SLC10A7: variants seen among roughly 807,000 people sequenced by gnomAD.
SLC10A7 encodes solute carrier family 10 member 7.
A neutral mutation model predicts 43.2 loss-of-function variants in SLC10A7; 29 were observed. The observed-to-expected ratio is 0.67, with a 90% CI of 0.50 to 0.92. The LOEUF is 0.92. Ranked by LOEUF, SLC10A7 falls within the 40% of genes least tolerant of loss-of-function variation. The pLI, the probability that SLC10A7 is intolerant of heterozygous loss-of-function variation, is 0.00. For synonymous variants in SLC10A7, 152 were observed against 144.8 expected, an observed-to-expected ratio of 1.05 and a Z score of -0.35; for missense variants, 295 against 403.2, an observed-to-expected ratio of 0.73 and a Z score of 2.30.
chr4:146,381,606 T>C (rs1298661637), intron 5 of SLC10A7, among the ~76,000 whole-genome samples: 1 of 152,052 alleles, frequency 6.6e-6, no homozygotes, highest in Non-Finnish European at 1.5e-5. Context: ...TTTGCTCTCA[T>C]CCACTCTGCA....
intron 3 of SLC10A7, among the ~76,000 whole-genome samples, chr4:146,507,487 G>A (rs1348040748): frequency 6.6e-6 from 1 of 152,130 alleles, no homozygotes. Context: ...CTTGAACCCG[G>A]GAGGCAGAGG....
chr4:146,393,440 T>C (rs1359476196), intron 5 of SLC10A7, among the ~76,000 whole-genome samples: 2 of 152,162 alleles, frequency 1.3e-5, no homozygotes, highest in East Asian at 3.9e-4. Context: ...TCTACTACAT[T>C]ATCTCTTTAT....
At chr4:146,315,013 C>T (rs1023998488) in intron 6 of SLC10A7, among the ~76,000 whole-genome samples, 4 of 152,000 alleles carry the variant, frequency 2.6e-5, no homozygotes, top group African/African-American at 4.8e-5. Context: ...GGAAAGAAGC[C>T]TAGATACACA....
rs1304137345 is a variant in SLC10A7 at position 146,256,756 on chromosome 4, T to G, written c.994-236A>C. The G allele has an allele frequency of 3.2e-6, 4 of 1,244,936 alleles. No homozygotes were observed. In the East Asian group the frequency reaches 7.6e-5, roughly 24 times the overall value. 77.1% of individuals were successfully genotyped at this position (1,244,936 alleles called of 1,614,324 possible). A position where few individuals can be genotyped will look rare whatever the true frequency, so the allele number is the denominator to read the frequency against. ...GGCCTGGCTACTCGTATGGTTCCCCTGTGCACTAGATGGTAGCCTTGGGTC... is the reference window on the plus strand; with the variant it reads ...GGCCTGGCTACTCGTATGGTTCCCCGGTGCACTAGATGGTAGCCTTGGGTC... On this transcript the variant is annotated intron_variant, in intron 11 of 11. Coordinates refer to ENST00000335472, the MANE Select transcript of SLC10A7 (RefSeq NM_001029998.6).
At chr4:146,301,191 A>G (rs1731136961) in intron 7 of SLC10A7, among the ~76,000 whole-genome samples, 1 of 152,212 alleles carries the variant, frequency 6.6e-6, no homozygotes, top group African/African-American at 2.4e-5. Context: ...GAGACGTGGA[A>G]TTTAATCGAG....
At chr4:146,274,175 G>A (rs564962853) in intron 10 of SLC10A7, among the ~76,000 whole-genome samples, 1 of 151,104 alleles carries the variant, frequency 6.6e-6, no homozygotes, top group Admixed American at 6.6e-5. Context: ...CACTAAATGG[G>A]TGGTTCTCTT....
At chr4:146,424,656 T>G (rs1478448620) in intron 5 of SLC10A7, among the ~76,000 whole-genome samples, 1 of 149,384 alleles carries the variant, frequency 6.7e-6, no homozygotes, top group African/African-American at 2.5e-5. Context: ...CGAGACTCCA[T>G]CTCAGAAAAA....
At chr4:146,466,197 G>C (rs1174348423) in intron 4 of SLC10A7, among the ~76,000 whole-genome samples, 1 of 152,098 alleles carries the variant, frequency 6.6e-6, no homozygotes, top group Non-Finnish European at 1.5e-5. Context: ...ATTATGCAGT[G>C]AATATTTGAA....
intron 9 of SLC10A7, among the ~76,000 whole-genome samples, chr4:146,291,802 T>G (rs1730459903): frequency 6.6e-6 from 1 of 152,220 alleles, no homozygotes; most frequent in Non-Finnish European, 1.5e-5. Context: ...AAGTGCTTCC[T>G]TCTTCTTTGA....
At chr4:146,256,840 C>A in intron 11 of SLC10A7, 1 of 1,535,664 alleles carries the variant, frequency 6.5e-7, no homozygotes, top group Non-Finnish European at 8.7e-7. Context: ...AGGATGGACT[C>A]TTGGTATTTA....
intron 9 of SLC10A7, among the ~76,000 whole-genome samples, chr4:146,291,516 T>C (rs1435710249): frequency 6.6e-6 from 1 of 152,238 alleles, no homozygotes; most frequent in South Asian, 2.1e-4. Flanking sequence ...ATAGGCTCTT[T>C]CCCTTGTGGT....
intron 5 of SLC10A7, among the ~76,000 whole-genome samples, chr4:146,336,046 A>G (rs967340752): frequency 3.3e-5 from 5 of 152,136 alleles, no homozygotes; most frequent in African/African-American, 1.2e-4. Context: ...ATTTGTAGGC[A>G]TATTAAAATT....
intron 5 of SLC10A7, among the ~76,000 whole-genome samples, chr4:146,346,210 T>TG (rs1044589808): frequency 6.6e-6 from 1 of 152,142 alleles, no homozygotes; most frequent in African/African-American, 2.4e-5. Flanking sequence ...CCAACTCTAT[T>TG]GGGGAACTGT....
intron 10 of SLC10A7, among the ~76,000 whole-genome samples, chr4:146,262,999 G>A (rs1728330147): frequency 6.6e-6 from 1 of 152,166 alleles, no homozygotes; most frequent in Admixed American, 6.5e-5. Flanking sequence ...TCTGCTCTTT[G>A]ACCTGGGCGC....
intron 5 of SLC10A7, among the ~76,000 whole-genome samples, chr4:146,374,386 C>T (rs1737013105): frequency 6.6e-6 from 1 of 151,806 alleles, no homozygotes; most frequent in African/African-American, 2.4e-5. Context: ...GCCAGGAGTT[C>T]AAGACTAGCC....
intron 7 of SLC10A7, among the ~76,000 whole-genome samples, chr4:146,301,034 GA>G (rs1193810595): frequency 6.6e-6 from 1 of 152,172 alleles, no homozygotes; most frequent in East Asian, 1.9e-4. Flanking sequence ...CACTTAGGAT[GA>G]AATAACAGAT....
chr4:146,465,911 A>C (rs190579727), intron 4 of SLC10A7, among the ~76,000 whole-genome samples: 2 of 152,354 alleles, frequency 1.3e-5, no homozygotes, highest in East Asian at 3.9e-4. Flanking sequence ...ACAATTATTT[A>C]ACAGCTTAAA....
At chr4:146,345,520 G>A (rs1194757114) in intron 5 of SLC10A7, among the ~76,000 whole-genome samples, 1 of 152,020 alleles carries the variant, frequency 6.6e-6, no homozygotes. Flanking sequence ...TTCCTTGACC[G>A]GGCTATATTC....
intron 5 of SLC10A7, among the ~76,000 whole-genome samples, chr4:146,391,645 C>G (rs1195407320): frequency 1.3e-5 from 2 of 152,142 alleles, no homozygotes; most frequent in Non-Finnish European, 2.9e-5. Context: ...TTCTCAAGGT[C>G]AATACATCTT....
Sources: allele counts gnomAD v4.1 joint callset (sites outside exome capture counted in the v4.1 genomes callset), GRCh38; gene constraint gnomAD v4.1.1; transcripts MANE v1.5; gene names NCBI Gene and HGNC (gene_info 2026-07-23, HGNC 2026-07-21).